Variants in FOXO1 observed in about 807,000 individuals in gnomAD.
FOXO1 encodes the protein forkhead box O1, also known as forkhead box protein O1.
Under a neutral mutation model 44.1 loss-of-function variants are expected in FOXO1, and 6 were observed. The ratio of observed to expected loss-of-function variants is 0.14; its 90% CI spans 0.07 to 0.27. The LOEUF is 0.27. FOXO1 is among the 10% of genes least tolerant of loss of function. The probability of loss-of-function intolerance (pLI) is 1.00; values close to 1 mark genes in which losing one functional copy is unlikely to be tolerated. For synonymous variants in FOXO1, 380 were observed against 362.7 expected (o/e 1.05, Z -0.54); for missense variants, 737 against 888.8 (o/e 0.83, Z 2.17).
chr13:40,628,635 A>G (rs988089995), intron 1 of FOXO1, among the ~76,000 whole-genome samples: 1 of 152,104 alleles, frequency 6.6e-6, no homozygotes, highest in Non-Finnish European at 1.5e-5. Flanking sequence ...ACCAAGCCAC[A>G]CTCTCAAAGC....
rs551493159 is a variant in FOXO1 at position 40,619,621 on chromosome 13, G to A, written c.630+45962C>T. ...TAGGCAACAAAGGTCATCTAGTCCTGTGGCTAGGCGAACAAGAAGCCAAAC... is the reference window on the plus strand; with the variant it reads ...TAGGCAACAAAGGTCATCTAGTCCTATGGCTAGGCGAACAAGAAGCCAAAC... On this transcript the variant is annotated intron_variant, in intron 1 of 2. Transcript: ENST00000379561. 1.2e-5 allele frequency: 18 copies of A among 1,541,402 alleles called. No homozygotes were observed. The South Asian group carries it at 1.6e-4, about 13-fold the overall frequency.
chr13:40,568,823 C>A (rs931365561), intron 1 of FOXO1, among the ~76,000 whole-genome samples: 1 of 151,238 alleles, frequency 6.6e-6, no homozygotes, highest in East Asian at 1.9e-4. Flanking sequence ...AGACTGGCGG[C>A]CTGGTAAAAC....
chr13:40,621,536 A>C (rs1397944504), intron 1 of FOXO1, among the ~76,000 whole-genome samples: 2 of 152,260 alleles, frequency 1.3e-5, no homozygotes, highest in African/African-American at 4.8e-5. Flanking sequence ...TAAAATACAA[A>C]CATTAAATTA....
intron 1 of FOXO1, among the ~76,000 whole-genome samples, chr13:40,597,456 G>A (rs1875624051): frequency 6.6e-6 from 1 of 152,126 alleles, no homozygotes; most frequent in Non-Finnish European, 1.5e-5. Context: ...CAGAGCCCAA[G>A]GCCCTTTTTT....
At chr13:40,632,087 C>A (rs902468885) in intron 1 of FOXO1, among the ~76,000 whole-genome samples, 7 of 152,032 alleles carry the variant, frequency 4.6e-5, no homozygotes, top group Admixed American at 2.6e-4. Flanking sequence ...CTGGCTAACA[C>A]AGTGAAACCC....
intron 1 of FOXO1, among the ~76,000 whole-genome samples, chr13:40,624,317 T>TTAAAAA (rs781451856): frequency 5.1e-4 from 52 of 100,982 alleles, no homozygotes; most frequent in East Asian, 2.1e-3. Context: ...TAATACTGCT[T>TTAAAAA]AAAAAAAAAA....
chr13:40,573,117 G>C (rs1214936436), intron 1 of FOXO1, among the ~76,000 whole-genome samples: 1 of 152,124 alleles, frequency 6.6e-6, no homozygotes, highest in Admixed American at 6.6e-5. Flanking sequence ...TTGCTTATTT[G>C]TAAGGCCAAA....
At chr13:40,568,086 C>T (rs2755211) in intron 1 of FOXO1, among the ~76,000 whole-genome samples, 57,700 of 151,922 alleles carry the variant, frequency 0.38, 12,652 homozygotes, top group East Asian at 0.73. Flanking sequence ...TAGGGAAAAC[C>T]TGTGGGGACT....
At chr13:40,591,662 T>C (rs575360176) in intron 1 of FOXO1, among the ~76,000 whole-genome samples, 1 of 152,306 alleles carries the variant, frequency 6.6e-6, no homozygotes, top group Non-Finnish European at 1.5e-5. Flanking sequence ...ATAATTTTAC[T>C]AGTCTTGTTA....
chr13:40,630,729 A>G (rs1283263176), intron 1 of FOXO1, among the ~76,000 whole-genome samples: 1 of 151,628 alleles, frequency 6.6e-6, no homozygotes, highest in Non-Finnish European at 1.5e-5. Context: ...GCCTAAAACT[A>G]TTTTTCCCTT....
chr13:40,625,275 C>T (rs2137907269), intron 1 of FOXO1, among the ~76,000 whole-genome samples: 1 of 152,282 alleles, frequency 6.6e-6, no homozygotes, highest in East Asian at 1.9e-4. Flanking sequence ...CACAAATATA[C>T]TAATGATTGA....
At chr13:40,653,258 C>T (rs761848897) in intron 1 of FOXO1, among the ~76,000 whole-genome samples, 1 of 152,122 alleles carries the variant, frequency 6.6e-6, no homozygotes, top group East Asian at 1.9e-4. Flanking sequence ...CGAGCCACCA[C>T]GCCCAGCCTC....
chr13:40,582,944 G>C (rs1447545400), intron 1 of FOXO1, among the ~76,000 whole-genome samples: 3 of 152,146 alleles, frequency 2.0e-5, no homozygotes, highest in Non-Finnish European at 2.9e-5. Flanking sequence ...ACTTTGCCCA[G>C]ATCCATCAGA....
chr13:40,629,076 T>C (rs962854673), intron 1 of FOXO1, among the ~76,000 whole-genome samples: 1 of 152,146 alleles, frequency 6.6e-6, no homozygotes, highest in African/African-American at 2.4e-5. Context: ...GGGATTGAAC[T>C]AGGATTGGAT....
At position 40,556,930 on chromosome 13, in the gene FOXO1, G is replaced by C. The variant is rs1885269; in HGVS notation, c.*2119C>G. On this transcript the variant is annotated 3_prime_UTR_variant, in exon 3 of 3. Transcript: ENST00000379561. ...TGGCACCAAGTTCAGTTACATACCC[G>C]GGAGGCTGTGCTTAGAGGAACTTGG... The C allele has an allele frequency of 1.3e-5, 2 of 152,078 alleles. No individual in the cohort carries two copies. Among genetic ancestry groups the C allele is most frequent in the Non-Finnish European group, 2.9e-5 (2 of 68,018 alleles). The allele number at this position is 152,078 out of a possible 1,614,324, so 9.4% of individuals were successfully genotyped here.
chr13:40,665,998 C>T lies in FOXO1; in HGVS notation c.215G>A (p.Ser72Asn). The change falls in exon 1 of 3, where the codon AGC (serine) becomes AAC (asparagine). Residue 72 changes from serine to asparagine, a missense_variant. By Grantham distance (46) the Ser-to-Asn change is conservative (BLOSUM62 1). This residue lies in a region of FOXO1 where 213 missense variants were observed against 236.4 expected (regional missense o/e 0.90). Transcript: ENST00000379561. ...SAAAVSADFMSNLSLLEESED... is the reference protein window; with the variant it reads ...SAAAVSADFMNNLSLLEESED... ...GCTCTCCTCCAGCAAGCTCAGGTTG[C>T]TCATGAAGTCGGCGCTGACAGCGGC... The T allele has an allele frequency of 7.9e-7, 1 of 1,263,796 alleles. No homozygotes were observed. Among genetic ancestry groups the T allele is most frequent in the Non-Finnish European group, 9.9e-7 (1 of 1,006,228 alleles). 78.3% of individuals were successfully genotyped at this position (1,263,796 alleles called of 1,614,324 possible).
intron 1 of FOXO1, among the ~76,000 whole-genome samples, chr13:40,643,377 A>T (rs915517231): frequency 6.6e-6 from 1 of 151,862 alleles, no homozygotes; most frequent in African/African-American, 2.4e-5. Context: ...AAGAAGATAC[A>T]TATGTATAAC....
intron 1 of FOXO1, among the ~76,000 whole-genome samples, chr13:40,573,822 T>C (rs974235445): frequency 5.3e-5 from 8 of 152,236 alleles, no homozygotes; most frequent in African/African-American, 1.7e-4. Context: ...ACATTTGTGT[T>C]TGAGGATGAA....
At chr13:40,571,368 C>G (rs1282643833) in intron 1 of FOXO1, among the ~76,000 whole-genome samples, 1 of 151,980 alleles carries the variant, frequency 6.6e-6, no homozygotes, top group African/African-American at 2.4e-5. Context: ...ACTTAAAGTA[C>G]TATAAAAAAA....
Sources: gnomAD v4.1 joint callset for allele counts (sites outside exome capture counted in the v4.1 genomes callset) on GRCh38, gnomAD v4.1.1 for gene constraint, gnomAD v4.1.1 regional missense constraint, MANE v1.5 for transcripts, NCBI Gene and HGNC (gene_info 2026-07-23, HGNC 2026-07-21) for gene names.